Variants in GRM5 observed in about 807,000 individuals in gnomAD.
GRM5 encodes glutamate metabotropic receptor 5, also known as metabotropic glutamate receptor 5.
In GRM5, 19 loss-of-function variants were observed where a neutral mutation model predicts 83.1. The ratio of observed to expected loss-of-function variants is 0.23; its 90% confidence interval spans 0.16 to 0.34. GRM5 has a LOEUF of 0.34. Ranked by LOEUF, GRM5 falls within the 10% of genes least tolerant of loss-of-function variation. The pLI is 1.00. For synonymous variants in GRM5, 675 were observed against 633.6 expected (o/e 1.07, Z -0.98); for missense variants, 1,160 against 1,588.3 (o/e 0.73, Z 4.58).
At chr11:88,546,052 AT>A (rs1400880488) in intron 8 of GRM5, among the ~76,000 whole-genome samples, 1 of 151,758 alleles carries the variant, frequency 6.6e-6, no homozygotes, top group Non-Finnish European at 1.5e-5. Context: ...CTGCCTTAAG[AT>A]CTTTTTGGTT....
intron 3 of GRM5, among the ~76,000 whole-genome samples, chr11:88,801,590 C>G (rs1943395268): frequency 6.6e-6 from 1 of 152,050 alleles, no homozygotes; most frequent in African/African-American, 2.4e-5. Context: ...TAAGGAACAA[C>G]TGAATCTTAA....
At chr11:89,059,465 A>C (rs1404905569) in intron 1 of GRM5, among the ~76,000 whole-genome samples, 1 of 152,192 alleles carries the variant, frequency 6.6e-6, no homozygotes, top group African/African-American at 2.4e-5. Context: ...ATTCAAAAAA[A>C]TTGATATATG....
At chr11:88,989,346 C>T (rs954879494) in intron 2 of GRM5, among the ~76,000 whole-genome samples, 10 of 135,698 alleles carry the variant, frequency 7.4e-5, no homozygotes, top group Admixed American at 4.6e-4. Flanking sequence ...TACAGTAGCA[C>T]CCAGATTCAT....
chr11:88,744,304 G>C lies in GRM5; in HGVS notation c.912-90901C>G, dbSNP rs920971315. 2.0e-5 allele frequency among the ~76,000 whole-genome samples: 3 copies of C among 152,172 alleles called. No individual in the cohort carries two copies. In the East Asian group the frequency reaches 5.8e-4, roughly 29 times the overall value. On this transcript the variant is annotated intron_variant, in intron 3 of 9. Coordinates refer to ENST00000305447, the MANE Select transcript of GRM5 (RefSeq NM_001143831.3). ...GCCTAATAGCAATACATTACAAACA[G>C]ACAGGGAGACATTAACAGCTAGACA...
chr11:88,756,952 T>G lies in GRM5; in HGVS notation c.911+92954A>C, dbSNP rs138759230. 3.3e-3 allele frequency among the ~76,000 whole-genome samples: 499 copies of G among 152,216 alleles called. 2 individuals carry two copies. Among genetic ancestry groups the G allele is most frequent in the African/African-American group, 0.011 (476 of 41,556 alleles). On this transcript the variant is annotated intron_variant, in intron 3 of 9. Transcript: ENST00000305447. Reference sequence around the variant, plus strand: ...TCTAAGAAGCTCAATGAACTCCAATTAAATGGAACTCAAAAAACTCACACC... The same window carrying G: ...TCTAAGAAGCTCAATGAACTCCAATGAAATGGAACTCAAAAAACTCACACC...
At chr11:88,991,205 C>T (rs2135047722) in intron 2 of GRM5, among the ~76,000 whole-genome samples, 1 of 152,198 alleles carries the variant, frequency 6.6e-6, no homozygotes, top group South Asian at 2.1e-4. Context: ...CACAAGCATT[C>T]TTATACACCA....
At chr11:88,995,477 A>T (rs886226018) in intron 2 of GRM5, among the ~76,000 whole-genome samples, 3 of 140,172 alleles carry the variant, frequency 2.1e-5, no homozygotes, top group Non-Finnish European at 4.6e-5. Flanking sequence ...CCCGGGAGGT[A>T]GAGGTTGCAA....
chr11:88,954,443 G>A (rs56036147), intron 2 of GRM5, among the ~76,000 whole-genome samples: 1 of 152,006 alleles, frequency 6.6e-6, no homozygotes, highest in African/African-American at 2.4e-5. Flanking sequence ...ATCACATGTT[G>A]TATAAAGAAA....
intron 4 of GRM5, among the ~76,000 whole-genome samples, chr11:88,644,808 A>G (rs1939394517): frequency 1.3e-5 from 2 of 152,084 alleles, no homozygotes. Context: ...AAGATTACAG[A>G]GAAAGAAAGG....
chr11:88,735,934 A>C (rs989360403), intron 3 of GRM5, among the ~76,000 whole-genome samples: 2 of 151,654 alleles, frequency 1.3e-5, no homozygotes, highest in African/African-American at 4.8e-5. Context: ...TCTATGCTGG[A>C]GCAACCATAT....
At chr11:88,964,900 T>C (rs1406594459) in intron 2 of GRM5, among the ~76,000 whole-genome samples, 1 of 152,082 alleles carries the variant, frequency 6.6e-6, no homozygotes, top group African/African-American at 2.4e-5. Flanking sequence ...GAATGACATC[T>C]TTAAAGTGCT....
At chr11:88,630,857 C>T (rs1054191464) in intron 4 of GRM5, among the ~76,000 whole-genome samples, 2 of 152,156 alleles carry the variant, frequency 1.3e-5, no homozygotes, top group African/African-American at 4.8e-5. Context: ...GGATTACAGG[C>T]ATGAGCCACT....
At chr11:88,726,729 C>T (rs902680163) in intron 3 of GRM5, among the ~76,000 whole-genome samples, 2 of 152,052 alleles carry the variant, frequency 1.3e-5, no homozygotes, top group African/African-American at 4.8e-5. Context: ...TCATGGGGGC[C>T]AATATTCAAC....
At chr11:88,883,800 C>T (rs1047388614) in intron 2 of GRM5, among the ~76,000 whole-genome samples, 1 of 152,082 alleles carries the variant, frequency 6.6e-6, no homozygotes, top group African/African-American at 2.4e-5. Flanking sequence ...TGCATCCCAG[C>T]TGTTTCATCT....
At chr11:88,882,552 C>T (rs1262605977) in intron 2 of GRM5, among the ~76,000 whole-genome samples, 1 of 143,394 alleles carries the variant, frequency 7.0e-6, no homozygotes, top group East Asian at 2.0e-4. Context: ...AAGAGCGAGA[C>T]TCTGTCTCAA....
intron 3 of GRM5, among the ~76,000 whole-genome samples, chr11:88,705,692 A>G (rs1376116826): frequency 7.9e-5 from 12 of 151,204 alleles, no homozygotes; most frequent in African/African-American, 2.9e-4. Flanking sequence ...TCTCATATAT[A>G]TTCCATCTTC....
At chr11:88,974,215 T>C (rs1316663166) in intron 2 of GRM5, among the ~76,000 whole-genome samples, 1 of 152,134 alleles carries the variant, frequency 6.6e-6, no homozygotes, top group Non-Finnish European at 1.5e-5. Flanking sequence ...AGAAAATATT[T>C]GTTTAAATCT....
chr11:88,623,526 G>C (rs1938703093), intron 4 of GRM5, among the ~76,000 whole-genome samples: 1 of 152,068 alleles, frequency 6.6e-6, no homozygotes, highest in African/African-American at 2.4e-5. Flanking sequence ...AATTTTGATG[G>C]ACCCCTTATT....
chr11:88,673,146 T>G (rs898368573), intron 3 of GRM5, among the ~76,000 whole-genome samples: 9 of 151,952 alleles, frequency 5.9e-5, no homozygotes, highest in African/African-American at 2.2e-4. Context: ...GCGAATGGAT[T>G]TAAACGTTTT....
Sources: allele counts gnomAD v4.1 joint callset (sites outside exome capture counted in the v4.1 genomes callset), GRCh38; gene constraint gnomAD v4.1.1; transcripts MANE v1.5; gene names NCBI Gene and HGNC (gene_info 2026-07-23, HGNC 2026-07-21).